BTRC: variants seen among roughly 807,000 people sequenced by gnomAD.
The protein encoded by BTRC is F-box/WD repeat-containing protein 1A.
BTRC carries 42 observed loss-of-function variants against 85.5 expected under a neutral mutation model. The ratio of observed to expected loss-of-function variants is 0.49; its 90% confidence interval spans 0.38 to 0.64. The LOEUF (loss-of-function observed/expected upper bound fraction) is 0.64, where lower values mean the gene tolerates loss of function less well. Ranked by LOEUF, BTRC falls within the 30% of genes least tolerant of loss-of-function variation. BTRC has a pLI of 0.00. For synonymous variants in BTRC, 255 were observed against 263.3 expected (o/e 0.97, Z 0.30); for missense variants, 594 against 743.5 (o/e 0.80, Z 2.34).
rs76142058 is a variant in BTRC at position 101,408,629 on chromosome 10, C to G, written c.49-21716C>G. Among the ~76,000 whole-genome samples the G allele has an allele frequency of 3.4e-3, 520 of 152,262 alleles. 3 individuals are homozygous for G. The highest frequency in any genetic ancestry group is 0.012 in the African/African-American group (500 of 41,546). Reference sequence around the variant, plus strand: ...CCCTTTTTGCCTTTAAAAAAATTTTCCTGCTTTCTTTTGGATTTATTTTTT... The same window carrying G: ...CCCTTTTTGCCTTTAAAAAAATTTTGCTGCTTTCTTTTGGATTTATTTTTT... On this transcript the variant is annotated intron_variant, in intron 1 of 14. Transcript: ENST00000370187.
At chr10:101,481,210 TTGGGATTACAAGCGTGAGCCAC>T (rs1945825045) in intron 4 of BTRC, among the ~76,000 whole-genome samples, 1 of 152,166 alleles carries the variant, frequency 6.6e-6, no homozygotes, top group African/African-American at 2.4e-5. Context: ...TGCCAAAGAG[TTGGGATTACAAGCGTGAGCCAC>T]TGCACCCAGC....
chr10:101,474,719 C>T (rs1945630497), intron 3 of BTRC, among the ~76,000 whole-genome samples: 1 of 152,176 alleles, frequency 6.6e-6, no homozygotes, highest in Non-Finnish European at 1.5e-5. Context: ...AGATTGAATT[C>T]TAGTCACCCT....
intron 6 of BTRC, among the ~76,000 whole-genome samples, chr10:101,528,679 T>A (rs9419926): frequency 6.6e-6 from 1 of 152,004 alleles, no homozygotes; most frequent in African/African-American, 2.4e-5. Flanking sequence ...ACTTTATTCC[T>A]GTGTCAGTTT....
At chr10:101,444,386 A>G (rs977072727) in intron 2 of BTRC, among the ~76,000 whole-genome samples, 18 of 152,210 alleles carry the variant, frequency 1.2e-4, no homozygotes. Flanking sequence ...GAAAGAGTCT[A>G]TTGCATACAA....
At chr10:101,455,376 A>G (rs575452034) in intron 2 of BTRC, among the ~76,000 whole-genome samples, 23 of 152,188 alleles carry the variant, frequency 1.5e-4, no homozygotes, top group Non-Finnish European at 3.1e-4. Flanking sequence ...AACCTCTGAA[A>G]TATAAGATGA....
At chr10:101,521,104 CA>C (rs200187591) in intron 4 of BTRC, among the ~76,000 whole-genome samples, 4 of 150,868 alleles carry the variant, frequency 2.7e-5, no homozygotes, top group African/African-American at 7.3e-5. Flanking sequence ...TCCATCTCTA[CA>C]AAAAAAAATG....
At chr10:101,476,176 T>C (rs1230611162) in intron 3 of BTRC, among the ~76,000 whole-genome samples, 3 of 151,936 alleles carry the variant, frequency 2.0e-5, no homozygotes, top group African/African-American at 7.2e-5. Context: ...AGTCTGTAGA[T>C]TAACTGATCA....
chr10:101,517,840 C>T (rs950442705), intron 4 of BTRC, among the ~76,000 whole-genome samples: 1 of 152,030 alleles, frequency 6.6e-6, no homozygotes. Flanking sequence ...AATTATTTCT[C>T]ACCACCTCCA....
intron 13 of BTRC, among the ~76,000 whole-genome samples, chr10:101,547,009 T>C (rs2062568494): frequency 6.6e-6 from 1 of 152,192 alleles, no homozygotes; most frequent in African/African-American, 2.4e-5. Flanking sequence ...TACTAACTCA[T>C]CTATGAAGCA....
intron 10 of BTRC, 146 bp downstream of exon 10, chr10:101,535,056 A>T (rs1455499825): frequency 2.1e-6 from 2 of 973,582 alleles, no homozygotes; most frequent in African/African-American, 1.6e-5. Flanking sequence ...AAAAGGTGTA[A>T]TAAGTGAGAC....
chr10:101,432,787 A>G (rs1351720326), intron 2 of BTRC, among the ~76,000 whole-genome samples: 1 of 152,228 alleles, frequency 6.6e-6, no homozygotes, highest in Non-Finnish European at 1.5e-5. Flanking sequence ...ATCCAATTGT[A>G]GAACTTCCTG....
At chr10:101,358,219 G>A (rs755684478) in intron 1 of BTRC, among the ~76,000 whole-genome samples, 1 of 152,114 alleles carries the variant, frequency 6.6e-6, no homozygotes, top group Non-Finnish European at 1.5e-5. Flanking sequence ...CTCCTGCCTC[G>A]GCGTCTCAAG....
rs1415097265 is a variant in BTRC at position 101,554,629 on chromosome 10, C to T, written c.*1506C>T. The stretch of plus-strand genomic sequence containing the variant: ...AACTGCCTTTTCTTCCTCCTCCTGA[C>T]CTTATTTTGCTCTTCACTCTCCCCA... On this transcript the variant is annotated 3_prime_UTR_variant, in exon 15 of 15. Transcript: ENST00000370187. 6.6e-6 allele frequency: 1 copy of T among 152,624 alleles called. No homozygotes were observed. The highest frequency in any genetic ancestry group is 1.5e-5 in the Non-Finnish European group (1 of 68,034). The allele number at this position is 152,624 out of a possible 1,614,324, so 9.5% of individuals were successfully genotyped here.
chr10:101,455,864 G>A (rs547668425), intron 2 of BTRC, among the ~76,000 whole-genome samples: 3 of 152,118 alleles, frequency 2.0e-5, no homozygotes, highest in East Asian at 3.9e-4. Flanking sequence ...TCTAATGGCC[G>A]GGCATGGTGG....
intron 3 of BTRC, among the ~76,000 whole-genome samples, chr10:101,477,010 T>C (rs1945706964): frequency 1.3e-5 from 2 of 152,166 alleles, no homozygotes; most frequent in African/African-American, 4.8e-5. Flanking sequence ...AGAGTCTTGC[T>C]CTGTCACCCA....
At chr10:101,501,197 AAAAG>A (rs1946392682) in intron 4 of BTRC, among the ~76,000 whole-genome samples, 1 of 152,100 alleles carries the variant, frequency 6.6e-6, no homozygotes, top group South Asian at 2.1e-4. Flanking sequence ...CAAAAAAAAA[AAAAG>A]AGGTGTATGC....
intron 4 of BTRC, among the ~76,000 whole-genome samples, chr10:101,502,707 C>T (rs575439807): frequency 1.3e-5 from 2 of 152,222 alleles, no homozygotes; most frequent in East Asian, 3.9e-4. Flanking sequence ...ACTGTACTCA[C>T]AAAAAGCAAT....
At chr10:101,462,085 A>G (rs1945241751) in intron 3 of BTRC, 27 bp downstream of exon 3, 4 of 1,526,892 alleles carry the variant, frequency 2.6e-6, no homozygotes, top group East Asian at 2.3e-5. Flanking sequence ...TACTTAAAAT[A>G]AAAAGCTACC....
chr10:101,366,958 A>T (rs1193914120), intron 1 of BTRC, among the ~76,000 whole-genome samples: 2 of 37,988 alleles, frequency 5.3e-5, no homozygotes, highest in African/African-American at 1.4e-4. Context: ...TTATATATAT[A>T]TTTATATAAA....
Sources: gnomAD v4.1 joint callset for allele counts (sites outside exome capture counted in the v4.1 genomes callset) on GRCh38, gnomAD v4.1.1 for gene constraint, MANE v1.5 for transcripts, NCBI Gene and HGNC (gene_info 2026-07-23, HGNC 2026-07-21) for gene names.